The following SYT13 variants were observed in gnomAD, a reference collection of about 807,000 sequenced individuals.
The protein encoded by SYT13 is synaptotagmin-13.
Under a neutral mutation model 38.6 loss-of-function variants are expected in SYT13, and 21 were observed. The observed-to-expected ratio is 0.54, with a 90% CI of 0.39 to 0.78. The LOEUF (loss-of-function observed/expected upper bound fraction) is 0.78. Ranked by LOEUF, SYT13 falls within the 30% of genes least tolerant of loss-of-function variation. The probability of loss-of-function intolerance (pLI) is 0.00; values close to 1 mark genes in which losing one functional copy is unlikely to be tolerated. For synonymous variants in SYT13, 241 were observed against 237.6 expected (o/e 1.01, Z -0.13); for missense variants, 495 against 548.7 (o/e 0.90, Z 0.98).
Position 45,252,136 on chromosome 11 carries a change from G to C in SYT13, c.846+285C>G, listed in dbSNP as rs898110415. Among the ~76,000 whole-genome samples, 2 of 152,190 alleles carry C rather than the reference G, an allele frequency of 1.3e-5. No individual in the cohort carries two copies. Among genetic ancestry groups the C allele is most frequent in the African/African-American group, 4.8e-5 (2 of 41,444 alleles). ...GAAATGGGGACAGTACTTCATAGCA[G>C]TAAAGGTAATACACACAGCATGGCA... On this transcript the variant is annotated intron_variant, in intron 4 of 5. Coordinates refer to ENST00000020926, the MANE Select transcript of SYT13 (RefSeq NM_020826.3). This position sits in a 1 kb window ranked among gnomAD's most constrained non-coding sequence, Gnocchi z 4.3.
chr11:45,271,796 G>A (rs57693969), intron 1 of SYT13, among the ~76,000 whole-genome samples: 5,412 of 152,200 alleles, frequency 0.036, 349 homozygotes, highest in African/African-American at 0.12. Flanking sequence ...ACCATGTGCT[G>A]GGGAAAGGGA....
chr11:45,240,342 C>G lies in SYT13; in HGVS notation c.*3710G>C, dbSNP rs1328279028. 1 of 152,654 alleles carries G rather than the reference C, an allele frequency of 6.6e-6. No individual in the cohort carries two copies. Among genetic ancestry groups the G allele is most frequent in the African/African-American group, 2.4e-5 (1 of 41,462 alleles). 9.5% of individuals were successfully genotyped at this position (152,654 alleles called of 1,614,324 possible). A position where few individuals can be genotyped will look rare whatever the true frequency, so the allele number is the denominator to read the frequency against. ...TTTATTTACCACTGCAAGGTTTTTG[C>G]TCCAAAGTGTCACACCAGACATATG... On this transcript the variant is annotated 3_prime_UTR_variant, in exon 6 of 6. Coordinates refer to ENST00000020926, the MANE Select transcript of SYT13 (RefSeq NM_020826.3).
At chr11:45,279,819 C>T (rs1855050925) in intron 1 of SYT13, among the ~76,000 whole-genome samples, 1 of 152,092 alleles carries the variant, frequency 6.6e-6, no homozygotes, top group South Asian at 2.1e-4. Context: ...GACCTTACAG[C>T]CTTCCAGAGT....
intron 1 of SYT13, among the ~76,000 whole-genome samples, chr11:45,274,632 CAG>C (rs144608438): frequency 1.3e-5 from 2 of 152,318 alleles, no homozygotes; most frequent in Non-Finnish European, 2.9e-5. Context: ...TTAAAGCTAA[CAG>C]AAGATATTCT....
At position 45,254,247 on chromosome 11, in the gene SYT13, C is replaced by T. The variant is rs778651161; in HGVS notation, c.544+23G>A. 11 of 1,593,686 alleles carry T rather than the reference C, an allele frequency of 6.9e-6. No individual in the cohort carries two copies. In the Admixed American group the frequency reaches 6.9e-5, roughly 10 times the overall value. The stretch of plus-strand genomic sequence containing the variant: ...GGGGAGATAGACACACAGAAGCCCA[C>T]GAGAGTCAAATAAGAGCCATACCTT... On this transcript the variant is annotated intron_variant, in intron 3 of 5. Coordinates refer to ENST00000020926, the MANE Select transcript of SYT13 (RefSeq NM_020826.3).
At chr11:45,250,918 G>A (rs537389018) in intron 4 of SYT13, among the ~76,000 whole-genome samples, 4 of 152,150 alleles carry the variant, frequency 2.6e-5, no homozygotes, top group Non-Finnish European at 5.9e-5. Context: ...AGACCAACCC[G>A]GCCTCAAGGT....
rs572920887 is a variant in SYT13 at position 45,286,106 on chromosome 11, G to T, written c.102C>A (p.His34Gln). 21 of 1,604,612 alleles carry T rather than the reference G, an allele frequency of 1.3e-5. No homozygotes were observed. In the South Asian group the frequency reaches 2.2e-4, roughly 17 times the overall value. ...CCCGCGGCAGCAGCCCCTTCTTGGGGTGCATGTGCCGACACAGGCAGGTGA... is the reference window on the plus strand; with the variant it reads ...CCCGCGGCAGCAGCCCCTTCTTGGGTTGCATGTGCCGACACAGGCAGGTGA... Reference protein sequence around the residue: ...CGVTCLCRHMHPKKGLLPRDQ... With the variant: ...CGVTCLCRHMQPKKGLLPRDQ... The change falls in exon 1 of 6, where the codon CAC (histidine) becomes CAA (glutamine). Residue 34 changes from histidine (H) to glutamine (Q), a missense_variant. His to Gln is a conservative substitution (Grantham distance 24). Transcript: ENST00000020926.
At chr11:45,279,497 G>A (rs1481031961) in intron 1 of SYT13, among the ~76,000 whole-genome samples, 1 of 152,114 alleles carries the variant, frequency 6.6e-6, no homozygotes, top group African/African-American at 2.4e-5. Context: ...TGAGGTGGGA[G>A]GATCACTTGA....
chr11:45,268,903 A>G (rs925408085), intron 1 of SYT13, among the ~76,000 whole-genome samples: 1 of 152,176 alleles, frequency 6.6e-6, no homozygotes, highest in Admixed American at 6.6e-5. Flanking sequence ...AGGCATGGCC[A>G]ACACTGATTG....
intron 1 of SYT13, among the ~76,000 whole-genome samples, chr11:45,283,094 G>A (rs1316776397): frequency 6.6e-6 from 1 of 152,202 alleles, no homozygotes; most frequent in Non-Finnish European, 1.5e-5. Context: ...ACTTCAGTGA[G>A]CCGTGATCAC....
intron 1 of SYT13, among the ~76,000 whole-genome samples, chr11:45,256,122 C>T (rs1033829640): frequency 3.9e-5 from 6 of 152,158 alleles, no homozygotes; most frequent in Admixed American, 6.5e-5. Flanking sequence ...CTCCATCCAT[C>T]GGCCCATCCA....
chr11:45,275,564 T>C (rs527378555), intron 1 of SYT13, among the ~76,000 whole-genome samples: 5 of 152,306 alleles, frequency 3.3e-5, no homozygotes, highest in African/African-American at 1.2e-4. Context: ...CCAAATATCA[T>C]TGTAACATTC....
At chr11:45,260,561 G>A (rs1373379488) in intron 1 of SYT13, among the ~76,000 whole-genome samples, 1 of 152,160 alleles carries the variant, frequency 6.6e-6, no homozygotes, top group African/African-American at 2.4e-5. Context: ...GTGCAGGAGG[G>A]ACAGGACTTA....
Position 45,252,001 on chromosome 11 carries a change from C to A in SYT13, c.846+420G>T, listed in dbSNP as rs1438670006. On this transcript the variant is annotated intron_variant, in intron 4 of 5. Coordinates refer to ENST00000020926, the MANE Select transcript of SYT13 (RefSeq NM_020826.3). This position sits in a 1 kb window ranked among gnomAD's most constrained non-coding sequence, Gnocchi z 4.3. Reference sequence around the variant, plus strand: ...GCCAATTTGTCCCCTAGTCTGTACACTCCTGAGTGGTGGGGCTCCACCCTT... The same window carrying A: ...GCCAATTTGTCCCCTAGTCTGTACAATCCTGAGTGGTGGGGCTCCACCCTT... Among the ~76,000 whole-genome samples the A allele has an allele frequency of 6.6e-6, 1 of 152,346 alleles. No homozygotes were observed. Among genetic ancestry groups the A allele is most frequent in the Non-Finnish European group, 1.5e-5 (1 of 68,038 alleles).
At chr11:45,248,421 C>T (rs1405988746) in intron 4 of SYT13, among the ~76,000 whole-genome samples, 5 of 152,166 alleles carry the variant, frequency 3.3e-5, no homozygotes, top group African/African-American at 1.2e-4. Context: ...GATTTTGTTC[C>T]CATTTTAAGC....
Position 45,252,296 on chromosome 11 carries a change from C to T in SYT13, c.846+125G>A. The T allele has an allele frequency of 1.7e-6, 2 of 1,198,878 alleles. No homozygotes were observed. The highest frequency in any genetic ancestry group is 2.3e-6 in the Non-Finnish European group (2 of 869,222). 74.3% of individuals were successfully genotyped at this position (1,198,878 alleles called of 1,614,324 possible). ...CCATTCAAGATTCCAACCTCCCTTC[C>T]AGCCCCAAGCCAGGGAGGTCTCTGA... On this transcript the variant is annotated intron_variant, in intron 4 of 5. Coordinates refer to ENST00000020926, the MANE Select transcript of SYT13 (RefSeq NM_020826.3). This position sits in a 1 kb window ranked among gnomAD's most constrained non-coding sequence, Gnocchi z 4.3.
chr11:45,250,634 T>G (rs1854661788), intron 4 of SYT13, among the ~76,000 whole-genome samples: 2 of 152,184 alleles, frequency 1.3e-5, no homozygotes, highest in African/African-American at 4.8e-5. Flanking sequence ...TCCACAGAAG[T>G]CCCAAATCAC....
rs192068238 is a variant in SYT13 at position 45,258,697 on chromosome 11, G to A, written c.184-2806C>T. Reference sequence around the variant, plus strand: ...CACAATCAGGGGTGCCTGGGAGGCCGAGCTGGCCTTCAGGGAGGAGCCAGG... The same window carrying A: ...CACAATCAGGGGTGCCTGGGAGGCCAAGCTGGCCTTCAGGGAGGAGCCAGG... On this transcript the variant is annotated intron_variant, in intron 1 of 5. Coordinates refer to ENST00000020926, the MANE Select transcript of SYT13 (RefSeq NM_020826.3). Among the ~76,000 whole-genome samples the A allele has an allele frequency of 9.8e-5, 15 of 152,292 alleles. No individual in the cohort carries two copies. In the East Asian group the frequency reaches 1.4e-3, roughly 14 times the overall value.
chr11:45,262,207 C>T (rs914548462), intron 1 of SYT13, among the ~76,000 whole-genome samples: 4 of 152,274 alleles, frequency 2.6e-5, no homozygotes, highest in Non-Finnish European at 5.9e-5. Flanking sequence ...CAAGTGAAAT[C>T]AACCAGTCAC....
Sources: gnomAD v4.1 joint callset for allele counts (sites outside exome capture counted in the v4.1 genomes callset) on GRCh38, gnomAD v4.1.1 for gene constraint, Gnocchi (gnomAD v3.1) non-coding constraint, MANE v1.5 for transcripts, NCBI Gene and HGNC (gene_info 2026-07-23, HGNC 2026-07-21) for gene names.